Variants in P2RX3 observed in about 807,000 individuals in gnomAD.
P2RX3 encodes the protein purinergic receptor P2X 3.
In P2RX3, 41 loss-of-function variants were observed where a neutral mutation model predicts 51.5. The observed-to-expected ratio is 0.80, with a 90% CI of 0.62 to 1.03. The LOEUF (loss-of-function observed/expected upper bound fraction) is 1.03, where lower values mean the gene tolerates loss of function less well. P2RX3 is among the 50% of genes least tolerant of loss of function. The probability of loss-of-function intolerance (pLI) is 0.00; values close to 1 mark genes in which losing one functional copy is unlikely to be tolerated. For missense variants in P2RX3, 459 were observed against 522.1 expected (o/e 0.88, Z 1.18); for synonymous variants, 185 against 191.6 (o/e 0.97, Z 0.29).
intron 8 of P2RX3, among the ~76,000 whole-genome samples, chr11:57,356,267 C>T (rs1338302854): frequency 2.0e-5 from 3 of 152,024 alleles, no homozygotes; most frequent in African/African-American, 7.3e-5. Flanking sequence ...TGCCTTGCGC[C>T]ATCACATGGC....
chr11:57,355,990 A>T (rs757309290), intron 8 of P2RX3, among the ~76,000 whole-genome samples: 27 of 152,060 alleles, frequency 1.8e-4, no homozygotes, highest in Admixed American at 1.8e-3. Context: ...CAATAGCAAG[A>T]CTCCTTCTCT....
At chr11:57,336,081 A>G (rs1034013576), upstream of P2RX3, among the ~76,000 whole-genome samples, 1 of 152,200 alleles carries the variant, frequency 6.6e-6, no homozygotes, top group African/African-American at 2.4e-5. Context: ...GAGACTAGAT[A>G]CTAAAGAGAA....
chr11:57,348,275 A>G lies in P2RX3; in HGVS notation c.485+12A>G. On this transcript the variant is annotated intron_variant, in intron 5 of 11. Transcript: ENST00000263314. ...GACACAGTGGAAACGTAAGGCTCCA[A>G]GCCAGACAGGAGGAGACAGGCCCCC... 6.3e-7 allele frequency: 1 copy of G among 1,590,740 alleles called. No individual in the cohort carries two copies. Among genetic ancestry groups the G allele is most frequent in the Non-Finnish European group, 8.6e-7 (1 of 1,168,736 alleles).
intron 8 of P2RX3, among the ~76,000 whole-genome samples, chr11:57,361,918 C>T (rs1172827939): frequency 6.6e-6 from 1 of 152,168 alleles, no homozygotes; most frequent in Non-Finnish European, 1.5e-5. Flanking sequence ...TAGAATGGCA[C>T]TCCTCTCCTT....
chr11:57,348,064 T>C (rs761430313), intron 4 of P2RX3, 106 bp from the exon 5 acceptor site: 15 of 1,021,348 alleles, frequency 1.5e-5, no homozygotes, highest in African/African-American at 3.3e-5. Context: ...CCTGCTCTTT[T>C]CCCCCACTTG....
chr11:57,341,146 A>C (rs577066472), intron 1 of P2RX3, among the ~76,000 whole-genome samples: 1 of 152,296 alleles, frequency 6.6e-6, no homozygotes, highest in East Asian at 1.9e-4. Flanking sequence ...AGACACGATG[A>C]GATCTGAGTT....
intron 8 of P2RX3, among the ~76,000 whole-genome samples, chr11:57,357,334 A>G (rs915708042): frequency 1.3e-5 from 2 of 152,170 alleles, no homozygotes; most frequent in African/African-American, 4.8e-5. Flanking sequence ...AAAAAAAGAT[A>G]TAACAACTCA....
At chr11:57,369,801 A>G in intron 11 of P2RX3, 83 bp from the exon 12 acceptor site, 1 of 992,086 alleles carries the variant, frequency 1.0e-6, no homozygotes, top group Non-Finnish European at 1.6e-6. Flanking sequence ...ATGGGCGCCC[A>G]CTGCTGAGTC....
Position 57,368,364 on chromosome 11 carries a change from G to A in P2RX3, c.937-8G>A, listed in dbSNP as rs1856829325. 5 of 1,613,962 alleles carry A rather than the reference G, an allele frequency of 3.1e-6. No homozygotes were observed. The South Asian group carries it at 5.5e-5, about 18-fold the overall frequency. On this transcript the variant is annotated splice_polypyrimidine_tract_variant and splice_region_variant and intron_variant, in intron 9 of 11. Transcript: ENST00000263314. ...TCTGCCCACTTGCCTTGGTCTTTGTGCACACAGGCTGGCAAGTTCAACATC... is the reference window on the plus strand; with the variant it reads ...TCTGCCCACTTGCCTTGGTCTTTGTACACACAGGCTGGCAAGTTCAACATC...
intron 8 of P2RX3, among the ~76,000 whole-genome samples, chr11:57,355,053 G>A (rs1856606663): frequency 6.6e-6 from 1 of 152,180 alleles, no homozygotes; most frequent in Admixed American, 6.5e-5. Flanking sequence ...ACTCAGGAGA[G>A]CCCCACCAGA....
At chr11:57,350,398 A>G in intron 7 of P2RX3, 1 of 199,988 alleles carries the variant, frequency 5.0e-6, no homozygotes. Flanking sequence ...TCCCAGGTTC[A>G]CGCCATTCTC....
chr11:57,355,944 C>T (rs556473686), intron 8 of P2RX3, among the ~76,000 whole-genome samples: 5 of 152,168 alleles, frequency 3.3e-5, no homozygotes, highest in Non-Finnish European at 7.3e-5. Flanking sequence ...GCGGGAGGAT[C>T]CCTTGAAGCC....
chr11:57,345,511 GGCA>G (rs1228032709), intron 1 of P2RX3, among the ~76,000 whole-genome samples: 1 of 152,146 alleles, frequency 6.6e-6, no homozygotes, highest in Non-Finnish European at 1.5e-5. Context: ...TGGGAATGGT[GGCA>G]GCATCTACCT....
Position 57,371,589 on chromosome 11 carries a change from G to A in P2RX3, c.*1592G>A, listed in dbSNP as rs1427389608. Among the ~76,000 whole-genome samples the A allele has an allele frequency of 6.6e-6, 1 of 152,176 alleles. No individual in the cohort carries two copies. The highest frequency in any genetic ancestry group is 2.1e-4 in the South Asian group (1 of 4,832). ...TGCCCAATGACCCCCCGCTCCAGGG[G>A]GAGAAGGGGTAAGACCCACCCCACA... On this transcript the variant is annotated 3_prime_UTR_variant, in exon 12 of 12. Coordinates refer to ENST00000263314, the MANE Select transcript of P2RX3 (RefSeq NM_002559.5).
At chr11:57,362,130 T>C (rs747351419) in intron 8 of P2RX3, among the ~76,000 whole-genome samples, 51 of 152,122 alleles carry the variant, frequency 3.4e-4, no homozygotes, top group Admixed American at 2.0e-4. Flanking sequence ...AATGGATGAA[T>C]AGGAGTCTGC....
chr11:57,339,671 G>A (rs912815307), intron 1 of P2RX3, among the ~76,000 whole-genome samples: 5 of 152,308 alleles, frequency 3.3e-5, no homozygotes, highest in East Asian at 1.9e-4. Context: ...CCTGGCATGC[G>A]GGTCTCCAAT....
chr11:57,341,128 A>G (rs1181962510), intron 1 of P2RX3, among the ~76,000 whole-genome samples: 2 of 152,038 alleles, frequency 1.3e-5, no homozygotes, highest in African/African-American at 4.8e-5. Context: ...TTTGAGAGAG[A>G]GAGAGACAGA....
intron 6 of P2RX3, 107 bp downstream of exon 6, chr11:57,348,811 C>G: frequency 2.6e-6 from 2 of 775,844 alleles, no homozygotes; most frequent in Non-Finnish European, 4.3e-6. Context: ...TTCCCACTTT[C>G]GCTCCACTGA....
chr11:57,338,532 C>A lies in P2RX3; in HGVS notation c.-19C>A. ...ACCACTGGGCCCCCTTCTGAGTGTCCCCTGAGCACTCTCTCAGCATGAACT... is the reference window on the plus strand; with the variant it reads ...ACCACTGGGCCCCCTTCTGAGTGTCACCTGAGCACTCTCTCAGCATGAACT... On this transcript the variant is annotated 5_prime_UTR_variant, in exon 1 of 12. Transcript: ENST00000263314. 1 of 1,560,076 alleles carries A rather than the reference C, an allele frequency of 6.4e-7. No individual in the cohort carries two copies. The highest frequency in any genetic ancestry group is 8.8e-7 in the Non-Finnish European group (1 of 1,136,326).
Sources: allele counts gnomAD v4.1 joint callset (sites outside exome capture counted in the v4.1 genomes callset), GRCh38; gene constraint gnomAD v4.1.1; transcripts MANE v1.5; gene names NCBI Gene and HGNC (gene_info 2026-07-23, HGNC 2026-07-21).